Variants in CFAP92 observed in about 807,000 individuals in gnomAD.
CFAP92 encodes the protein cilia and flagella associated protein 92 (putative), also known as uncharacterized protein CFAP92.
Under a neutral mutation model 106.3 loss-of-function variants are expected in CFAP92, and 86 were observed. The ratio of observed to expected loss-of-function variants is 0.81; its 90% CI spans 0.68 to 0.97. CFAP92 has a LOEUF of 0.97. Ranked by LOEUF, CFAP92 falls within the 50% of genes least tolerant of loss-of-function variation. CFAP92 has a pLI of 0.00. For synonymous variants in CFAP92, 477 were observed against 506.4 expected, an observed-to-expected ratio of 0.94 and a Z score of 0.78; for missense variants, 1,204 against 1,283.8, an observed-to-expected ratio of 0.94 and a Z score of 0.95.
At chr3:128,912,588 C>T (rs1183124574) in intron 15 of CFAP92, 1 of 1,614,048 alleles carries the variant, frequency 6.2e-7, no homozygotes, top group Non-Finnish European at 8.5e-7. Context: ...TGTGCCCACC[C>T]TCTGGACAGG....
At chr3:128,964,450 C>A (rs139171055) in intron 9 of CFAP92, among the ~76,000 whole-genome samples, 1 of 152,172 alleles carries the variant, frequency 6.6e-6, no homozygotes, top group African/African-American at 2.4e-5. Context: ...ACTACTCATA[C>A]GTGCCCTGCT....
At position 128,945,985 on chromosome 3, in the gene CFAP92, A is replaced by G. The variant is rs1940177374; in HGVS notation, c.1354-10T>C. 1 of 1,421,378 alleles carries G rather than the reference A, an allele frequency of 7.0e-7. No individual in the cohort carries two copies. Among genetic ancestry groups the G allele is most frequent in the African/African-American group, 1.4e-5 (1 of 69,432 alleles). 88.0% of individuals were successfully genotyped at this position (1,421,378 alleles called of 1,614,324 possible). Reference sequence around the variant, plus strand: ...CAGGCATGCACAGCCTCTACGAGAGAGCAGGGCCACAGCAGGTCACCCAGC... The same window carrying G: ...CAGGCATGCACAGCCTCTACGAGAGGGCAGGGCCACAGCAGGTCACCCAGC... On this transcript the variant is annotated splice_polypyrimidine_tract_variant and intron_variant, in intron 9 of 15. Coordinates refer to ENST00000645291, the MANE Select transcript of CFAP92 (RefSeq NM_001394090.1).
At chr3:128,916,293 A>G (rs1936813114) in intron 12 of CFAP92, 22 bp from the exon 13 acceptor site, 46 of 1,231,512 alleles carry the variant, frequency 3.7e-5, no homozygotes, top group Non-Finnish European at 4.6e-5. Flanking sequence ...GACACCAGTC[A>G]CTACCCACAC....
At chr3:128,994,936 T>C (rs146343469), upstream of CFAP92, among the ~76,000 whole-genome samples, 172 of 152,206 alleles carry the variant, frequency 1.1e-3, no homozygotes, top group Middle Eastern at 0.01. Flanking sequence ...TGAAAGGGCA[T>C]GGCAAGTTTC....
At position 128,945,270 on chromosome 3, in the gene CFAP92, C is replaced by G. The variant is rs1416511109; in HGVS notation, c.2059G>C (p.Ala687Pro). ...ACAGGGTAGGAGTCCAGGCCGAGGG[C>G]CTTAGCGTTGATCATGGTGATGTCC... ...LQDITMINAK[A>P]LGLDSYPVRT... The change falls in exon 10 of 16, where the codon GCC (alanine) becomes CCC (proline). Residue 687 changes from alanine to proline, a missense_variant. Physicochemically the swap from Ala to Pro is conservative, Grantham distance 27. Transcript: ENST00000645291. 9 of 1,536,038 alleles carry G rather than the reference C, an allele frequency of 5.9e-6. No homozygotes were observed. In the East Asian group the frequency reaches 2.2e-4, roughly 38 times the overall value.
upstream of CFAP92, among the ~76,000 whole-genome samples, chr3:128,994,714 C>CGCT (rs1944414792): frequency 6.6e-6 from 1 of 152,168 alleles, no homozygotes; most frequent in South Asian, 2.1e-4. Flanking sequence ...CCAAAGCCTC[C>CGCT]GCTCGTCTGC....
intron 9 of CFAP92, among the ~76,000 whole-genome samples, chr3:128,946,841 G>C (rs62265310): frequency 0.028 from 4,233 of 152,136 alleles, 114 homozygotes; most frequent in South Asian, 0.12. Context: ...GATGCACCAA[G>C]GCATAAGATA....
chr3:128,910,944 G>T (rs1936229641), intron 15 of CFAP92: 1 of 1,059,738 alleles, frequency 9.4e-7, no homozygotes, highest in East Asian at 2.4e-5. Flanking sequence ...TTGAGCGAGG[G>T]CCTGGGTAGG....
At position 128,913,881 on chromosome 3, in the gene CFAP92, CAGG is replaced by C. The variant is rs1465220885; in HGVS notation, c.3280+1235_3280+1237del. On this transcript the variant is annotated intron_variant, in intron 15 of 15. Transcript: ENST00000645291. ...GAAGGCTGCTTAGAGTTTCTTTGCA[CAGG>C]AGAAGTTTGGGGAGGGGCTGTCAGA... Among the ~76,000 whole-genome samples, 15 of 152,200 alleles carry C rather than the reference CAGG, an allele frequency of 9.9e-5. No individual in the cohort carries two copies. In the South Asian group the frequency reaches 1.5e-3, roughly 15 times the overall value.
At chr3:128,938,339 G>A (rs1475264363) in intron 10 of CFAP92, among the ~76,000 whole-genome samples, 1 of 152,092 alleles carries the variant, frequency 6.6e-6, no homozygotes. Flanking sequence ...TGAATTGTGT[G>A]AGCCAGCAAA....
intron 9 of CFAP92, among the ~76,000 whole-genome samples, chr3:128,964,723 C>A (rs1384042808): frequency 1.3e-5 from 2 of 152,110 alleles, no homozygotes; most frequent in Non-Finnish European, 2.9e-5. Flanking sequence ...CATCACCAAT[C>A]ATTCTATACG....
At chr3:129,002,229 G>A (rs1302334721) in intron 1 of CFAP92, 24 of 1,529,136 alleles carry the variant, frequency 1.6e-5, no homozygotes, top group African/African-American at 9.8e-5. Context: ...TGAGCGCGTT[G>A]CGCGGCTGGA....
chr3:128,924,432 CTTTTTTTTTTTTTTTTT>C (rs71153151), intron 12 of CFAP92, among the ~76,000 whole-genome samples: 1 of 69,808 alleles, frequency 1.4e-5, no homozygotes, highest in African/African-American at 5.6e-5. Context: ...ACGATTGTAT[CTTTTTTTTTTTTTTTTT>C]TTTTTTTTTT....
intron 9 of CFAP92, among the ~76,000 whole-genome samples, chr3:128,956,199 A>AAAAAAAT (rs1941381296): frequency 5.9e-5 from 6 of 102,064 alleles, no homozygotes; most frequent in African/African-American, 1.5e-4. Flanking sequence ...AAAAAAATAA[A>AAAAAAAT]AAAAAAATAA....
Position 128,912,567 on chromosome 3 carries a change from G to A in CFAP92, c.3281-2234C>T, listed in dbSNP as rs771818518. 5.5e-5 allele frequency: 89 copies of A among 1,614,042 alleles called. No individual in the cohort carries two copies. Among genetic ancestry groups the A allele is most frequent in the Middle Eastern group, 1.6e-4 (1 of 6,084 alleles). ...GTGTCCCAGCAGATCCTTGAGAAGC[G>A]AGCCTATATCTGTGCCCACCCTCTG... is the stretch of plus-strand genomic sequence containing the variant. On this transcript the variant is annotated intron_variant, in intron 15 of 15. Transcript: ENST00000645291.
chr3:128,953,332 G>A (rs149045064), intron 9 of CFAP92, among the ~76,000 whole-genome samples: 5,406 of 152,090 alleles, frequency 0.036, 320 homozygotes, highest in African/African-American at 0.12. Flanking sequence ...TGGCTAACAC[G>A]GTGAAACCCA....
At chr3:128,987,881 C>A in intron 3 of CFAP92, 52 bp from the exon 4 acceptor site, 1 of 1,493,450 alleles carries the variant, frequency 6.7e-7, no homozygotes. Flanking sequence ...GTGCAAAGGC[C>A]GTGGCGAACA....
the CFAP92 span, among the ~76,000 whole-genome samples, chr3:129,012,538 C>T: frequency 1.3e-5 from 2 of 152,186 alleles, no homozygotes; most frequent in Non-Finnish European, 2.9e-5. Flanking sequence ...TGCTTCCCAG[C>T]ACCTGTAGAT....
At chr3:128,937,793 G>A (rs193002249) in intron 10 of CFAP92, among the ~76,000 whole-genome samples, 2 of 152,172 alleles carry the variant, frequency 1.3e-5, no homozygotes, top group Non-Finnish European at 2.9e-5. Context: ...AGGTGCACTG[G>A]CTCACACCTG....
Sources: gnomAD v4.1 joint callset for allele counts (sites outside exome capture counted in the v4.1 genomes callset) on GRCh38, gnomAD v4.1.1 for gene constraint, MANE v1.5 for transcripts, NCBI Gene and HGNC (gene_info 2026-07-23, HGNC 2026-07-21) for gene names.